Variants in CHD2 observed in about 807,000 individuals in gnomAD.
CHD2 encodes chromodomain helicase DNA binding protein 2.
In CHD2, 28 loss-of-function variants were observed where a neutral mutation model predicts 243.9. The ratio of observed to expected loss-of-function variants is 0.11; its 90% CI spans 0.09 to 0.16. The LOEUF is 0.16. Ranked by LOEUF, CHD2 falls within the 10% of genes least tolerant of loss-of-function variation. The pLI is 1.00. For synonymous variants in CHD2, 775 were observed against 779.0 expected, an observed-to-expected ratio of 0.99 and a Z score of 0.09; for missense variants, 1,386 against 2,209.8, an observed-to-expected ratio of 0.63 and a Z score of 7.47.
At chr15:92,974,720 G>A (rs1486734851) in intron 19 of CHD2, 159 bp from the exon 20 acceptor site, 4 of 597,000 alleles carry the variant, frequency 6.7e-6, no homozygotes. Context: ...AGGGTAGGGT[G>A]TGCTTCTTAA....
chr15:92,962,919 G>T (rs756572258), intron 16 of CHD2, among the ~76,000 whole-genome samples: 1 of 151,950 alleles, frequency 6.6e-6, no homozygotes, highest in Non-Finnish European at 1.5e-5. Context: ...TTATTGTTTT[G>T]TAAATCCATT....
intron 19 of CHD2, among the ~76,000 whole-genome samples, chr15:92,973,596 A>T (rs1428038967): frequency 6.6e-6 from 1 of 152,166 alleles, no homozygotes; most frequent in East Asian, 1.9e-4. Flanking sequence ...ATAATATCTT[A>T]TATGGTCTTT....
At chr15:92,923,401 C>G (rs1477539047) in intron 2 of CHD2, among the ~76,000 whole-genome samples, 7 of 151,922 alleles carry the variant, frequency 4.6e-5, no homozygotes, top group Admixed American at 2.6e-4. Context: ...GCTGGGATCG[C>G]AGGCATGCAC....
intron 13 of CHD2, among the ~76,000 whole-genome samples, chr15:92,951,192 A>G (rs2053549439): frequency 6.6e-6 from 1 of 151,566 alleles, no homozygotes; most frequent in Non-Finnish European, 1.5e-5. Context: ...TTTTTTTGAG[A>G]CTGAGTTTTG....
chr15:93,012,204 T>G (rs2054402390), intron 35 of CHD2, 141 bp from the exon 36 acceptor site: 2 of 495,778 alleles, frequency 4.0e-6, no homozygotes. Flanking sequence ...TGCAAATACC[T>G]GAAATAATAT....
At chr15:92,971,124 A>G (rs2053835275) in intron 17 of CHD2, among the ~76,000 whole-genome samples, 1 of 152,162 alleles carries the variant, frequency 6.6e-6, no homozygotes, top group Non-Finnish European at 1.5e-5. Flanking sequence ...TTCAGTGAAG[A>G]GTGTTTCAGT....
At chr15:92,912,912 C>A (rs73456414) in intron 2 of CHD2, among the ~76,000 whole-genome samples, 1 of 152,136 alleles carries the variant, frequency 6.6e-6, no homozygotes, top group Non-Finnish European at 1.5e-5. Context: ...CAAATAGAGG[C>A]AATATATGAC....
intron 35 of CHD2, among the ~76,000 whole-genome samples, 168 bp from the exon 36 acceptor site, chr15:93,012,177 A>G (rs558678305): frequency 6.6e-6 from 1 of 152,290 alleles, no homozygotes; most frequent in Non-Finnish European, 1.5e-5. Context: ...TTAAGTTAGG[A>G]CTTACTGTAT....
chr15:92,970,453 G>A (rs1056798418), intron 17 of CHD2, among the ~76,000 whole-genome samples: 1 of 152,018 alleles, frequency 6.6e-6, no homozygotes, highest in Non-Finnish European at 1.5e-5. Context: ...TGCCCCCTTC[G>A]GCCTCCCAAA....
chr15:92,944,845 G>A (rs2053436079), intron 10 of CHD2: 1 of 160,128 alleles, frequency 6.2e-6, no homozygotes, highest in South Asian at 1.9e-4. Context: ...TTACTTCTTA[G>A]TCATCTAAGT....
intron 37 of CHD2, among the ~76,000 whole-genome samples, chr15:93,016,598 T>G (rs932953904): frequency 6.6e-6 from 1 of 151,830 alleles, no homozygotes; most frequent in Non-Finnish European, 1.5e-5. Context: ...ATTTGTACAG[T>G]CTGGGCAACA....
intron 2 of CHD2, among the ~76,000 whole-genome samples, chr15:92,908,367 G>A (rs1425438888): frequency 1.3e-5 from 2 of 152,184 alleles, no homozygotes; most frequent in Non-Finnish European, 2.9e-5. Flanking sequence ...GAACATGCAA[G>A]TCTGCTTAAA....
At chr15:92,942,281 T>C (rs752902721) in intron 8 of CHD2, among the ~76,000 whole-genome samples, 46 of 152,340 alleles carry the variant, frequency 3.0e-4, no homozygotes, top group Non-Finnish European at 3.2e-4. Context: ...ACTGGTTAAA[T>C]AAATATTGTG....
chr15:92,968,377 A>G (rs1000512086), intron 17 of CHD2, among the ~76,000 whole-genome samples: 3 of 152,216 alleles, frequency 2.0e-5, no homozygotes, highest in Non-Finnish European at 1.5e-5. Flanking sequence ...AAAAATTTTT[A>G]AAAACCACTT....
intron 16 of CHD2, among the ~76,000 whole-genome samples, chr15:92,959,077 A>G (rs1474208595): frequency 6.6e-6 from 1 of 152,246 alleles, no homozygotes; most frequent in African/African-American, 2.4e-5. Flanking sequence ...TCAAAGAGAA[A>G]AAGTTATTGA....
Position 92,946,072 on chromosome 15 carries a change from C to G in CHD2, c.1233C>G (p.Pro411=), listed in dbSNP as rs202188833. 3 of 1,602,232 alleles carry G rather than the reference C, an allele frequency of 1.9e-6. No individual in the cohort carries two copies. The highest frequency in any genetic ancestry group is 2.6e-6 in the Non-Finnish European group (3 of 1,173,028). ...GGAAGCCGGCACCCTCAAATGAGCC[C>G]GAATATCTATGTAAATGGATGGGAC... ...HSRKPAPSNE[P]EYLCKWMGLP... Residue 411 remains proline, a synonymous_variant, in exon 12 of 39, where the codon CCC becomes CCG. Coordinates refer to ENST00000394196, the MANE Select transcript of CHD2 (RefSeq NM_001271.4).
intron 5 of CHD2, among the ~76,000 whole-genome samples, chr15:92,934,736 C>CT (rs1355868681): frequency 6.6e-6 from 1 of 152,178 alleles, no homozygotes; most frequent in Admixed American, 6.5e-5. Context: ...TCCTTACTAT[C>CT]TTTTTTCTCG....
At chr15:93,020,343 T>C in intron 38 of CHD2, 85 bp downstream of exon 38, 2 of 1,510,570 alleles carry the variant, frequency 1.3e-6, no homozygotes, top group South Asian at 2.3e-5. Flanking sequence ...ATGAATGTAT[T>C]TATCTATCAA....
chr15:92,964,783 G>A (rs2053734978), intron 16 of CHD2, among the ~76,000 whole-genome samples: 1 of 152,150 alleles, frequency 6.6e-6, no homozygotes, highest in Admixed American at 6.5e-5. Flanking sequence ...GAAAAATTCG[G>A]CTTATAAAGA....
Sources: gnomAD v4.1 joint callset for allele counts (sites outside exome capture counted in the v4.1 genomes callset) on GRCh38, gnomAD v4.1.1 for gene constraint, MANE v1.5 for transcripts, NCBI Gene and HGNC (gene_info 2026-07-23, HGNC 2026-07-21) for gene names.